KLF7: variants seen among roughly 807,000 people sequenced by gnomAD.
KLF7 encodes Krueppel-like factor 7.
KLF7 carries 2 observed loss-of-function variants against 27.3 expected under a neutral mutation model. That is an observed-to-expected ratio of 0.07 (90% CI 0.03 to 0.23). The LOEUF (loss-of-function observed/expected upper bound fraction) is 0.23. Among genes scored for constraint, KLF7 ranks in the 10% least tolerant of loss-of-function variants. KLF7 has a pLI of 1.00. For synonymous variants in KLF7, 165 were observed against 162.4 expected, an observed-to-expected ratio of 1.02 and a Z score of -0.12; for missense variants, 221 against 394.1, an observed-to-expected ratio of 0.56 and a Z score of 3.72.
chr2:207,121,187 A>G (rs1405829050), intron 2 of KLF7, among the ~76,000 whole-genome samples: 1 of 152,204 alleles, frequency 6.6e-6, no homozygotes, highest in Non-Finnish European at 1.5e-5. Context: ...TTTATCCTCC[A>G]CAACTTGTAT....
At chr2:207,128,890 A>T (rs1313605243) in intron 1 of KLF7, among the ~76,000 whole-genome samples, 1 of 152,238 alleles carries the variant, frequency 6.6e-6, no homozygotes, top group African/African-American at 2.4e-5. Context: ...ACTAAATGCA[A>T]TGGATCCTGG....
upstream of KLF7, chr2:207,167,250 A>G (rs1350797144): frequency 2.0e-6 from 2 of 1,015,390 alleles, no homozygotes; most frequent in Non-Finnish European, 2.6e-6. Flanking sequence ...TACATCTGAG[A>G]TGAAAACCCT....
rs1183033730 is a variant in KLF7 at position 207,124,207 on chromosome 2, A to T, written c.300T>A (p.Ser100=). The part of the protein sequence containing the change: ...EKSSAVDILL[S]RDKLLSETCL... ...AGGTCTCAGATAGCAACTTGTCCCG[A>T]GAGAGCAAGATGTCCACTGCCGAGC... The change falls in exon 2 of 4, where the codon TCT becomes TCA. Residue 100 remains serine (S), a synonymous_variant. Coordinates refer to ENST00000309446, the MANE Select transcript of KLF7 (RefSeq NM_003709.4). The T allele has an allele frequency of 2.5e-6, 4 of 1,614,068 alleles. No homozygotes were observed. Among genetic ancestry groups the T allele is most frequent in the Non-Finnish European group, 3.4e-6 (4 of 1,180,014 alleles).
chr2:207,128,726 T>C (rs1201235753), intron 1 of KLF7, among the ~76,000 whole-genome samples: 2 of 152,200 alleles, frequency 1.3e-5, no homozygotes, highest in Non-Finnish European at 2.9e-5. Context: ...GTCAAAATGG[T>C]TAACCTCAAT....
intron 2 of KLF7, among the ~76,000 whole-genome samples, chr2:207,091,528 T>C (rs1033730368): frequency 1.3e-5 from 2 of 152,222 alleles, no homozygotes; most frequent in Non-Finnish European, 2.9e-5. Flanking sequence ...AAGCTATTTT[T>C]CCACCATCTG....
chr2:207,108,853 T>C (rs1056064733), intron 2 of KLF7, among the ~76,000 whole-genome samples: 1 of 152,176 alleles, frequency 6.6e-6, no homozygotes, highest in African/African-American at 2.4e-5. Context: ...TCCACACTTA[T>C]CATACAAACA....
At chr2:207,095,873 T>C (rs1217331153) in intron 2 of KLF7, among the ~76,000 whole-genome samples, 2 of 152,232 alleles carry the variant, frequency 1.3e-5, no homozygotes, top group African/African-American at 2.4e-5. Flanking sequence ...TTTAGATATA[T>C]TAATTTAGGT....
intron 2 of KLF7, among the ~76,000 whole-genome samples, chr2:207,099,749 T>C (rs560790968): frequency 4.0e-4 from 60 of 151,870 alleles, no homozygotes; most frequent in African/African-American, 1.4e-3. Flanking sequence ...ATACAGATGG[T>C]AGAGAAGTAG....
chr2:207,107,050 G>A (rs142953313), intron 2 of KLF7, among the ~76,000 whole-genome samples: 71 of 152,216 alleles, frequency 4.7e-4, no homozygotes, highest in African/African-American at 1.5e-3. Context: ...AGGATTTCAC[G>A]AAATGGCTGT....
intron 1 of KLF7, among the ~76,000 whole-genome samples, chr2:207,153,749 G>A (rs1386059916): frequency 6.6e-6 from 1 of 152,034 alleles, no homozygotes; most frequent in African/African-American, 2.4e-5. Context: ...TCCTCCCTTG[G>A]GGCAGCTGGA....
chr2:207,125,208 C>G (rs2077447476), intron 1 of KLF7, among the ~76,000 whole-genome samples: 2 of 152,128 alleles, frequency 1.3e-5, no homozygotes, highest in Admixed American at 1.3e-4. Flanking sequence ...AAAATTTTCA[C>G]CCGATAAAGA....
intron 2 of KLF7, among the ~76,000 whole-genome samples, chr2:207,105,224 G>A (rs2076854593): frequency 6.6e-6 from 1 of 152,230 alleles, no homozygotes; most frequent in Non-Finnish European, 1.5e-5. Flanking sequence ...CTCAGTGTGA[G>A]ATGAGCTGAA....
chr2:207,167,192 T>C, upstream of KLF7: 1 of 1,389,852 alleles, frequency 7.2e-7, no homozygotes, highest in Admixed American at 3.0e-5. Context: ...GAGGAGGAAC[T>C]CGATTTCTCG....
chr2:207,111,160 G>A (rs1219957650), intron 2 of KLF7, among the ~76,000 whole-genome samples: 2 of 152,198 alleles, frequency 1.3e-5, no homozygotes, highest in Non-Finnish European at 2.9e-5. Context: ...CTCACATTTT[G>A]GGAGAGTGGC....
chr2:207,111,190 T>C (rs1169206726), intron 2 of KLF7, among the ~76,000 whole-genome samples: 1 of 152,230 alleles, frequency 6.6e-6, no homozygotes, highest in African/African-American at 2.4e-5. Context: ...AGATTTGCTG[T>C]CACACATAAT....
intron 1 of KLF7, among the ~76,000 whole-genome samples, chr2:207,126,681 T>C (rs2077483926): frequency 6.6e-6 from 1 of 152,192 alleles, no homozygotes; most frequent in Admixed American, 6.5e-5. Flanking sequence ...CTTGTGCCTG[T>C]TATCCCAGCT....
In KLF7 at chr2:207,080,834, C is replaced by G. The variant is rs2076252682; in HGVS notation, c.*379G>C. 1 of 408,928 alleles carries G rather than the reference C, an allele frequency of 2.4e-6. No individual in the cohort carries two copies. Among genetic ancestry groups the G allele is most frequent in the Admixed American group, 4.1e-5 (1 of 24,112 alleles). 25.3% of individuals were successfully genotyped at this position (408,928 alleles called of 1,614,324 possible). A position where few individuals can be genotyped will look rare whatever the true frequency, so the allele number is the denominator to read the frequency against. On this transcript the variant is annotated 3_prime_UTR_variant, in exon 4 of 4. Coordinates refer to ENST00000309446, the MANE Select transcript of KLF7 (RefSeq NM_003709.4). ...AATAAGCCCCTCGGACTGCCGTCCA[C>G]CTGCACAGACGTCACATCCATTTTC...
chr2:207,161,674 C>T (rs2078550336), intron 1 of KLF7, among the ~76,000 whole-genome samples: 1 of 152,218 alleles, frequency 6.6e-6, no homozygotes, highest in Non-Finnish European at 1.5e-5. Flanking sequence ...CATTTCTGTA[C>T]GTTTTCCCCT....
chr2:207,154,097 A>G (rs2078317340), intron 1 of KLF7, among the ~76,000 whole-genome samples: 1 of 152,214 alleles, frequency 6.6e-6, no homozygotes, highest in Admixed American at 6.5e-5. Context: ...TCACAGAAAG[A>G]ATATTCCTTA....
Sources: gnomAD v4.1 joint callset for allele counts (sites outside exome capture counted in the v4.1 genomes callset) on GRCh38, gnomAD v4.1.1 for gene constraint, MANE v1.5 for transcripts, NCBI Gene and HGNC (gene_info 2026-07-23, HGNC 2026-07-21) for gene names.